Variants in RBFOX1 observed in about 807,000 individuals in gnomAD.
RBFOX1 encodes RNA binding protein fox-1 homolog 1.
A neutral mutation model predicts 57.7 loss-of-function variants in RBFOX1; 8 were observed. That is an observed-to-expected ratio of 0.14 (90% confidence interval 0.08 to 0.25). The LOEUF is 0.25. RBFOX1 is among the 10% of genes least tolerant of loss of function. The pLI, the probability that RBFOX1 is intolerant of heterozygous loss-of-function variation, is 1.00. For missense variants in RBFOX1, 611 were observed against 548.5 expected (o/e 1.11, Z -1.14); for synonymous variants, 326 against 222.4 (o/e 1.47, Z -4.15).
At chr16:6,650,051 A>G (rs1454189522) in intron 2 of RBFOX1, among the ~76,000 whole-genome samples, 2 of 152,166 alleles carry the variant, frequency 1.3e-5, no homozygotes, top group Non-Finnish European at 2.9e-5. Flanking sequence ...GATCTCTTTG[A>G]CATACGGATT....
chr16:6,031,133 A>G (rs961620202), intron 1 of RBFOX1, among the ~76,000 whole-genome samples: 1 of 152,198 alleles, frequency 6.6e-6, no homozygotes, highest in Non-Finnish European at 1.5e-5. Context: ...AAATGTCTCC[A>G]AGGAGAGGTA....
intron 4 of RBFOX1, among the ~76,000 whole-genome samples, chr16:7,316,842 A>T (rs186549443): frequency 1.3e-5 from 2 of 152,060 alleles, no homozygotes; most frequent in Non-Finnish European, 2.9e-5. Context: ...TGCTGGAAAA[A>T]CAAAGGGACC....
intron 2 of RBFOX1, among the ~76,000 whole-genome samples, chr16:5,571,191 G>C (rs1427328492): frequency 6.8e-6 from 1 of 147,954 alleles, no homozygotes; most frequent in Non-Finnish European, 1.5e-5. Context: ...CTTGTCCCCT[G>C]GTAGTGAAGT....
At chr16:5,582,918 C>G (rs572723450) in intron 2 of RBFOX1, among the ~76,000 whole-genome samples, 38 of 152,280 alleles carry the variant, frequency 2.5e-4, no homozygotes, top group Non-Finnish European at 1.8e-4. Context: ...GTGAGATGAG[C>G]TAAAAATCAG....
intron 2 of RBFOX1, chr16:6,483,989 G>A: frequency 9.9e-7 from 1 of 1,009,988 alleles, no homozygotes; most frequent in Non-Finnish European, 1.2e-6. Context: ...CCCGTGGTGG[G>A]GGTGGTCTGG....
chr16:7,211,003 C>T (rs543267167), intron 4 of RBFOX1, among the ~76,000 whole-genome samples: 70 of 151,122 alleles, frequency 4.6e-4, no homozygotes, highest in Non-Finnish European at 9.1e-4. Flanking sequence ...AATTGCTTGA[C>T]TACATAATCA....
intron 4 of RBFOX1, among the ~76,000 whole-genome samples, chr16:7,154,488 C>T (rs928702538): frequency 6.6e-6 from 1 of 152,188 alleles, no homozygotes; most frequent in Non-Finnish European, 1.5e-5. Flanking sequence ...TTGCTTGAAT[C>T]TGCTCAGTGA....
chr16:7,420,180 C>A (rs12598744), intron 4 of RBFOX1, among the ~76,000 whole-genome samples: 1 of 151,884 alleles, frequency 6.6e-6, no homozygotes, highest in African/African-American at 2.4e-5. Flanking sequence ...AATATTCTGC[C>A]GTGGTAATTA....
chr16:7,433,024 A>G (rs1357164054), intron 4 of RBFOX1, among the ~76,000 whole-genome samples: 1 of 152,174 alleles, frequency 6.6e-6, no homozygotes, highest in Non-Finnish European at 1.5e-5. Flanking sequence ...AGCCCCCAGC[A>G]AATGCCACGC....
chr16:6,110,165 C>G (rs1276654694), intron 1 of RBFOX1, among the ~76,000 whole-genome samples: 2 of 145,460 alleles, frequency 1.4e-5, no homozygotes, highest in Non-Finnish European at 3.0e-5. Flanking sequence ...GTTTTTCACT[C>G]TAATTTTTGG....
At position 7,025,242 on chromosome 16, in the gene RBFOX1, G is replaced by T. The variant is rs114425426; in HGVS notation, c.-15-26815G>T. Among the ~76,000 whole-genome samples, 541 of 152,256 alleles carry T rather than the reference G, an allele frequency of 3.6e-3. 5 individuals carry two copies. The highest frequency in any genetic ancestry group is 0.012 in the African/African-American group (503 of 41,542). ...ATGTCTCCCCTTTTTAGACCATATA[G>T]GGTAACTCTGTGATGTTGCCATGGT... On this transcript the variant is annotated intron_variant, in intron 3 of 15. Coordinates refer to ENST00000550418, the MANE Select transcript of RBFOX1 (RefSeq NM_018723.4).
chr16:7,594,634 T>C (rs962259813), intron 7 of RBFOX1, among the ~76,000 whole-genome samples: 4 of 152,230 alleles, frequency 2.6e-5, no homozygotes, highest in Admixed American at 6.5e-5. Flanking sequence ...TTAAAAGGTA[T>C]ATATGTTATC....
chr16:5,580,203 A>G (rs1485561081), intron 2 of RBFOX1, among the ~76,000 whole-genome samples: 1 of 152,186 alleles, frequency 6.6e-6, no homozygotes, highest in Non-Finnish European at 1.5e-5. Context: ...GGGGACCCCA[A>G]CAATGGATGC....
chr16:7,632,184 C>G (rs2061078494), intron 11 of RBFOX1, among the ~76,000 whole-genome samples: 1 of 152,200 alleles, frequency 6.6e-6, no homozygotes, highest in South Asian at 2.1e-4. Flanking sequence ...ACTGGAATTA[C>G]AGGCGTGAGC....
intron 1 of RBFOX1, among the ~76,000 whole-genome samples, chr16:6,112,890 A>T (rs1462878817): frequency 6.6e-6 from 1 of 152,184 alleles, no homozygotes; most frequent in Non-Finnish European, 1.5e-5. Flanking sequence ...GTTGGAAAGT[A>T]ATTTGCTACA....
At chr16:7,667,164 AAC>A (rs2069626918) in intron 13 of RBFOX1, among the ~76,000 whole-genome samples, 1 of 152,166 alleles carries the variant, frequency 6.6e-6, no homozygotes, top group Admixed American at 6.5e-5. Context: ...TCCTGTCTCT[AAC>A]AGTCTCTGGA....
In RBFOX1 at chr16:6,089,278, C is replaced by T. The variant is rs571280102; in HGVS notation, c.-127+69286C>T. On this transcript the variant is annotated intron_variant, in intron 1 of 15. Coordinates refer to ENST00000550418, the MANE Select transcript of RBFOX1 (RefSeq NM_018723.4). Reference sequence around the variant, plus strand: ...TTGAGGGAAGCTTCTTGTAATGATTCAGCTGAGTCTTACACAATGAATGAG... The same window carrying T: ...TTGAGGGAAGCTTCTTGTAATGATTTAGCTGAGTCTTACACAATGAATGAG... Among the ~76,000 whole-genome samples the T allele has an allele frequency of 2.1e-3, 317 of 152,122 alleles. 4 individuals carry two copies. The highest frequency in any genetic ancestry group is 2.2e-3 in the Non-Finnish European group (147 of 68,004).
intron 4 of RBFOX1, among the ~76,000 whole-genome samples, chr16:7,251,365 G>C (rs530879633): frequency 6.7e-6 from 1 of 149,578 alleles, no homozygotes; most frequent in African/African-American, 2.5e-5. Context: ...TTTTAGGGCT[G>C]AATGACATTC....
chr16:6,925,312 A>G lies in RBFOX1; in HGVS notation c.-15-126745A>G, dbSNP rs537317090. Reference sequence around the variant, plus strand: ...CCATGCCCATTTAACTTTTGTAGAGATAGGGTTTCGTCCTGTTGGCCAGGC... The same window carrying G: ...CCATGCCCATTTAACTTTTGTAGAGGTAGGGTTTCGTCCTGTTGGCCAGGC... On this transcript the variant is annotated intron_variant, in intron 3 of 15. Coordinates refer to ENST00000550418, the MANE Select transcript of RBFOX1 (RefSeq NM_018723.4). 6.1e-5 allele frequency among the ~76,000 whole-genome samples: 9 copies of G among 147,610 alleles called. No homozygotes were observed. The South Asian group carries it at 1.9e-3, about 31-fold the overall frequency.
Sources: allele counts gnomAD v4.1 joint callset (sites outside exome capture counted in the v4.1 genomes callset), GRCh38; gene constraint gnomAD v4.1.1; transcripts MANE v1.5; gene names NCBI Gene and HGNC (gene_info 2026-07-23, HGNC 2026-07-21).